Variants in CAPN10 observed in about 807,000 individuals in gnomAD.
The protein encoded by CAPN10 is calpain 10, also known as calpain-10.
CAPN10 carries 71 observed loss-of-function variants against 78.4 expected under a neutral mutation model. That is an observed-to-expected ratio of 0.91 (90% CI 0.75 to 1.10). The LOEUF is 1.10. Ranked by LOEUF, CAPN10 falls within the 50% of genes least tolerant of loss-of-function variation. The pLI, the probability that CAPN10 is intolerant of heterozygous loss-of-function variation, is 0.00. For missense variants in CAPN10, 849 were observed against 924.6 expected, an observed-to-expected ratio of 0.92 and a Z score of 1.06; for synonymous variants, 437 against 407.2, an observed-to-expected ratio of 1.07 and a Z score of -0.88.
intron 5 of CAPN10, 127 bp downstream of exon 5, chr2:240,594,174 T>C: frequency 9.9e-7 from 1 of 1,008,138 alleles, no homozygotes; most frequent in Non-Finnish European, 1.4e-6. Flanking sequence ...CCTGAGTCCC[T>C]GCTCTCGTGA....
rs2093086844 is a variant in CAPN10, at chr2:240,589,327, A to G, written c.142-16A>G. 1 of 1,614,032 alleles carries G rather than the reference A, an allele frequency of 6.2e-7. No individual in the cohort carries two copies. The highest frequency in any genetic ancestry group is 8.5e-7 in the Non-Finnish European group (1 of 1,180,016). On this transcript the variant is annotated splice_polypyrimidine_tract_variant and intron_variant, in intron 1 of 11. Coordinates refer to ENST00000391984, the MANE Select transcript of CAPN10 (RefSeq NM_023083.4). ...AGCAGGCATGATCTAACTCTGGACAACTTTCTGTATCTCAGGAGATTTGTG... is the reference window on the plus strand; with the variant it reads ...AGCAGGCATGATCTAACTCTGGACAGCTTTCTGTATCTCAGGAGATTTGTG...
chr2:240,594,730 G>T, intron 6 of CAPN10, 21 bp downstream of exon 6: 2 of 1,603,832 alleles, frequency 1.2e-6, no homozygotes, highest in Non-Finnish European at 1.7e-6. Context: ...GAGGGGCTGT[G>T]CTGGGCACGT....
intron 5 of CAPN10, 109 bp downstream of exon 5, chr2:240,594,156 G>A: frequency 8.3e-7 from 1 of 1,205,434 alleles, no homozygotes; most frequent in Non-Finnish European, 1.1e-6. Flanking sequence ...GCTGTCTCCA[G>A]CAAGGCCCCT....
chr2:240,591,790 G>A (rs1474958913), intron 3 of CAPN10, 143 bp from the exon 4 acceptor site: 1 of 694,284 alleles, frequency 1.4e-6, no homozygotes, highest in African/African-American at 1.8e-5. Flanking sequence ...GACTTGGTGA[G>A]GATGAGGAAG....
rs762035846 is a variant in CAPN10 at position 240,589,472 on chromosome 2, C to T, written c.271C>T (p.Gln91Ter). ...ALQKSRHLLD[Q>*]VIPPGQPSWA... ...GCAGAAGAGCAGGCACCTCCTGGACCAGGTGCGGGGCCCCTTCCCTGTGTT... is the reference window on the plus strand; with the variant it reads ...GCAGAAGAGCAGGCACCTCCTGGACTAGGTGCGGGGCCCCTTCCCTGTGTT... The change falls in exon 2 of 12, where the codon CAG (glutamine) becomes TAG (stop). Residue 91 changes from glutamine to a stop codon, truncating the protein, a stop_gained and splice_region_variant. Coordinates refer to ENST00000391984, the MANE Select transcript of CAPN10 (RefSeq NM_023083.4). LOFTEE classifies it high-confidence loss of function. The T allele has an allele frequency of 2.3e-5, 37 of 1,611,714 alleles. No homozygotes were observed. Among genetic ancestry groups the T allele is most frequent in the Non-Finnish European group, 9.3e-6 (11 of 1,179,158 alleles).
chr2:240,591,884 G>T (rs1240778333), intron 3 of CAPN10, 49 bp from the exon 4 acceptor site: 1 of 1,515,702 alleles, frequency 6.6e-7, no homozygotes, highest in Non-Finnish European at 9.1e-7. Context: ...CAGAGAGGGG[G>T]CCATGCTCAA....
At chr2:240,591,158 C>A in intron 3 of CAPN10, 147 bp downstream of exon 3, 1 of 678,252 alleles carries the variant, frequency 1.5e-6, no homozygotes, top group South Asian at 2.0e-5. Flanking sequence ...GTGAGTCAGG[C>A]TGACAGGCCA....
chr2:240,594,922 C>A, intron 6 of CAPN10, 102 bp from the exon 7 acceptor site: 1 of 1,172,718 alleles, frequency 8.5e-7, no homozygotes, highest in South Asian at 1.5e-5. Context: ...TGTCTGTGGC[C>A]GTAGCTGCTG....
At chr2:240,592,770 C>CA in intron 4 of CAPN10, 1 of 250,408 alleles carries the variant, frequency 4.0e-6, no homozygotes, top group Non-Finnish European at 8.0e-6. Context: ...CACTGCCACA[C>CA]ACGCGCTGTC....
intron 1 of CAPN10, among the ~76,000 whole-genome samples, chr2:240,587,979 T>C (rs1428406088): frequency 2.0e-5 from 3 of 152,126 alleles, no homozygotes; most frequent in African/African-American, 7.2e-5. Flanking sequence ...ATGAAGGGGC[T>C]CAGATTAGCT....
At position 240,589,328 on chromosome 2, in the gene CAPN10, C is replaced by G; in HGVS notation, c.142-15C>G. ...GCAGGCATGATCTAACTCTGGACAA[C>G]TTTCTGTATCTCAGGAGATTTGTGC... On this transcript the variant is annotated splice_polypyrimidine_tract_variant and intron_variant, in intron 1 of 11. Transcript: ENST00000391984. The G allele has an allele frequency of 6.2e-7, 1 of 1,614,170 alleles. No homozygotes were observed. The highest frequency in any genetic ancestry group is 1.1e-5 in the South Asian group (1 of 91,084).
chr2:240,597,071 CT>C, intron 9 of CAPN10, 129 bp downstream of exon 9: 1 of 1,156,604 alleles, frequency 8.6e-7, no homozygotes, highest in Non-Finnish European at 1.2e-6. Flanking sequence ...CTTCGAGGCG[CT>C]GCCTAGAACC....
In CAPN10 at chr2:240,593,973, G is replaced by A. The variant is rs1009002311; in HGVS notation, c.756G>A (p.Ala252=). 8.7e-6 allele frequency: 14 copies of A among 1,611,490 alleles called. No homozygotes were observed. The highest frequency in any genetic ancestry group is 1.6e-4 in the Middle Eastern group (1 of 6,068). The change falls in exon 5 of 12, where the codon GCG becomes GCA. Residue 252 remains alanine, a synonymous_variant. Coordinates refer to ENST00000391984, the MANE Select transcript of CAPN10 (RefSeq NM_023083.4). ...ACCTGCGGGAGCTCCAGGGTCAGGCGGGCCAGTGCATCCTGCTGCTGCGGA... is the reference window on the plus strand; with the variant it reads ...ACCTGCGGGAGCTCCAGGGTCAGGCAGGCCAGTGCATCCTGCTGCTGCGGA... The part of the protein sequence containing the change: ...VSDLRELQGQ[A]GQCILLLRIQ...
In CAPN10 at chr2:240,595,103, C is replaced by T. The variant is rs376333509; in HGVS notation, c.1077C>T (p.Ser359=). 8.1e-5 allele frequency: 131 copies of T among 1,613,764 alleles called. No individual in the cohort carries two copies. The highest frequency in any genetic ancestry group is 1.0e-4 in the Non-Finnish European group (119 of 1,180,028). ...GQSAGGCRNN[S]GFPSNPKFWL... is the part of the protein sequence containing the mutation. ...CAGCAGGAGGCTGCCGGAACAACAG[C>T]GGCTTTCCCAGCAACCCCAAATTCT... Residue 359 remains serine, a synonymous_variant, in exon 7 of 12, where the codon AGC becomes AGT. Coordinates refer to ENST00000391984, the MANE Select transcript of CAPN10 (RefSeq NM_023083.4).
At chr2:240,595,328 C>T (rs758379557) in intron 7 of CAPN10, 24 bp downstream of exon 7, 10 of 1,607,634 alleles carry the variant, frequency 6.2e-6, no homozygotes, top group African/African-American at 4.0e-5. Flanking sequence ...GTCTGGCTCA[C>T]GCTCGGTTCA....
rs574296642 is a variant in CAPN10, at chr2:240,587,960, T to A, written c.141+908T>A. Among the ~76,000 whole-genome samples the A allele has an allele frequency of 2.6e-5, 4 of 152,282 alleles. No homozygotes were observed. In the South Asian group the frequency reaches 8.3e-4, roughly 32 times the overall value. On this transcript the variant is annotated intron_variant, in intron 1 of 11. Coordinates refer to ENST00000391984, the MANE Select transcript of CAPN10 (RefSeq NM_023083.4). Reference sequence around the variant, plus strand: ...ATGCAAGGGTCCATTGTAGTGGTCCTGGAGAAAGATGAAGGGGCTCAGATT... The same window carrying A: ...ATGCAAGGGTCCATTGTAGTGGTCCAGGAGAAAGATGAAGGGGCTCAGATT...
rs1395118491 is a variant in CAPN10, at chr2:240,598,397, G to A, written c.1989G>A (p.Glu663=). 1 of 1,613,738 alleles carries A rather than the reference G, an allele frequency of 6.2e-7. No individual in the cohort carries two copies. Among genetic ancestry groups the A allele is most frequent in the Non-Finnish European group, 8.5e-7 (1 of 1,179,970 alleles). ...SQEMLGQFLQ[E]VSIMAVMKT Reference sequence around the variant, plus strand: ...AGATGCTGGGCCAGTTCCTCCAAGAGGTGTGTATGCAGCCCCGCCAGCCCG... The same window carrying A: ...AGATGCTGGGCCAGTTCCTCCAAGAAGTGTGTATGCAGCCCCGCCAGCCCG... Residue 663 remains glutamate (E), a splice_region_variant and synonymous_variant, in exon 11 of 12, where the codon GAG becomes GAA. Transcript: ENST00000391984.
At chr2:240,594,850 G>A in intron 6 of CAPN10, 141 bp downstream of exon 6, 1 of 1,215,628 alleles carries the variant, frequency 8.2e-7, no homozygotes, top group Non-Finnish European at 1.1e-6. Context: ...GGAGCCGGGA[G>A]GAGGGTGATG....
chr2:240,594,383 A>C lies in CAPN10; in HGVS notation c.831-160A>C, dbSNP rs1023799743. ...CTGCCCAGAAGGCCCTGTGCTGCAG[A>C]GCTGCTTCGGGTGTGGGAGGGGCTG... On this transcript the variant is annotated intron_variant, in intron 5 of 11. Coordinates refer to ENST00000391984, the MANE Select transcript of CAPN10 (RefSeq NM_023083.4). 6.1e-5 allele frequency: 46 copies of C among 747,972 alleles called. No homozygotes were observed. The Admixed American group carries it at 1.0e-3, about 17-fold the overall frequency. 46.3% of individuals were successfully genotyped at this position (747,972 alleles called of 1,614,324 possible). A position where few individuals can be genotyped will look rare whatever the true frequency, so the allele number is the denominator to read the frequency against.
Sources: gnomAD v4.1 joint callset for allele counts (sites outside exome capture counted in the v4.1 genomes callset) on GRCh38, gnomAD v4.1.1 for gene constraint, MANE v1.5 for transcripts, NCBI Gene and HGNC (gene_info 2026-07-23, HGNC 2026-07-21) for gene names.